FAM168A: variants seen among roughly 807,000 people sequenced by gnomAD.
FAM168A encodes the protein family with sequence similarity 168 member A.
In FAM168A, 3 loss-of-function variants were observed where a neutral mutation model predicts 28.5. The ratio of observed to expected loss-of-function variants is 0.11; its 90% CI spans 0.05 to 0.27. The LOEUF is 0.27. Ranked by LOEUF, FAM168A falls within the 10% of genes least tolerant of loss-of-function variation. The pLI, the probability that FAM168A is intolerant of heterozygous loss-of-function variation, is 1.00. For synonymous variants in FAM168A, 122 were observed against 124.2 expected (o/e 0.98, Z 0.12); for missense variants, 222 against 311.5 (o/e 0.71, Z 2.16).
chr11:73,584,174 C>T (rs886183419), intron 1 of FAM168A, among the ~76,000 whole-genome samples: 2 of 143,168 alleles, frequency 1.4e-5, no homozygotes, highest in Non-Finnish European at 3.0e-5. Flanking sequence ...TTTACATTCA[C>T]TGACTTTTTT....
intron 1 of FAM168A, among the ~76,000 whole-genome samples, chr11:73,496,762 G>A (rs916420495): frequency 7.2e-5 from 11 of 151,838 alleles, no homozygotes; most frequent in East Asian, 1.9e-4. Flanking sequence ...GGGTTTCACC[G>A]TGTTAGCCAG....
chr11:73,438,228 T>C (rs563493949), intron 2 of FAM168A, among the ~76,000 whole-genome samples: 2 of 152,302 alleles, frequency 1.3e-5, no homozygotes, highest in East Asian at 1.9e-4. Flanking sequence ...GAAAATAATA[T>C]AGTTATTTAA....
intron 1 of FAM168A, among the ~76,000 whole-genome samples, chr11:73,539,248 T>G (rs1943622693): frequency 6.6e-6 from 1 of 151,674 alleles, no homozygotes; most frequent in African/African-American, 2.4e-5. Context: ...CAATCAAGAC[T>G]CTTTATTTTT....
intron 1 of FAM168A, among the ~76,000 whole-genome samples, chr11:73,513,751 T>A (rs79978192): frequency 0.03 from 4,605 of 152,230 alleles, 95 homozygotes; most frequent in Non-Finnish European, 0.046. Flanking sequence ...TTGGGGCCAA[T>A]AAGTTACCAC....
At chr11:73,571,708 C>T (rs1280331823) in intron 1 of FAM168A, among the ~76,000 whole-genome samples, 10 of 150,874 alleles carry the variant, frequency 6.6e-5, no homozygotes, top group Non-Finnish European at 3.0e-5. Flanking sequence ...GGCCGCCCAT[C>T]GTCTGGGATG....
chr11:73,594,438 T>C (rs1163266144), intron 1 of FAM168A, among the ~76,000 whole-genome samples: 1 of 152,066 alleles, frequency 6.6e-6, no homozygotes, highest in East Asian at 1.9e-4. Flanking sequence ...GTGTGTATTT[T>C]TACCTTTTTA....
At chr11:73,521,229 C>T (rs1943371193) in intron 1 of FAM168A, among the ~76,000 whole-genome samples, 3 of 152,138 alleles carry the variant, frequency 2.0e-5, no homozygotes, top group Non-Finnish European at 4.4e-5. Context: ...CAGTTAGCCC[C>T]ATAAAAGAAA....
At chr11:73,488,993 A>G (rs506639) in intron 1 of FAM168A, among the ~76,000 whole-genome samples, 38,240 of 152,030 alleles carry the variant, frequency 0.25, 5,247 homozygotes, top group South Asian at 0.35. Context: ...GGTTCAAGCA[A>G]TTCTCCAGCC....
chr11:73,523,648 G>A (rs1047478472), intron 1 of FAM168A, among the ~76,000 whole-genome samples: 2 of 151,984 alleles, frequency 1.3e-5, no homozygotes, highest in African/African-American at 2.4e-5. Flanking sequence ...GTTTCGCCAC[G>A]TTGCCCAGGC....
At chr11:73,418,204 G>C (rs1866728995) in intron 4 of FAM168A, among the ~76,000 whole-genome samples, 1 of 152,208 alleles carries the variant, frequency 6.6e-6, no homozygotes, top group Admixed American at 6.5e-5. Flanking sequence ...TCCTCCAAAT[G>C]TCATGCTGAA....
chr11:73,446,972 C>T (rs989524482), intron 2 of FAM168A, among the ~76,000 whole-genome samples: 7 of 152,212 alleles, frequency 4.6e-5, no homozygotes, highest in Non-Finnish European at 7.3e-5. Context: ...CCAAGTCCAG[C>T]TCTTGCACAT....
intron 4 of FAM168A, among the ~76,000 whole-genome samples, chr11:73,413,339 G>A (rs1016363824): frequency 6.6e-6 from 1 of 152,214 alleles, no homozygotes; most frequent in Non-Finnish European, 1.5e-5. Context: ...AGAATGGAAA[G>A]TACATATGAA....
intron 1 of FAM168A, among the ~76,000 whole-genome samples, chr11:73,592,273 T>A (rs1565311833): frequency 1.3e-5 from 2 of 152,258 alleles, no homozygotes; most frequent in Non-Finnish European, 2.9e-5. Flanking sequence ...TGGAACTTTA[T>A]AAACTGAGGT....
rs529583075 is a variant in FAM168A at position 73,529,286 on chromosome 11, C to T, written c.-18-60794G>A. Among the ~76,000 whole-genome samples the T allele has an allele frequency of 2.6e-5, 4 of 152,290 alleles. No homozygotes were observed. The South Asian group carries it at 8.3e-4, about 32-fold the overall frequency. ...TTGCCTGTTCAAATTTTAGAACAGC[C>T]AAACCTGGGCTCATGTCCTAGCTTT... On this transcript the variant is annotated intron_variant, in intron 1 of 7. Coordinates refer to ENST00000356467, the MANE Select transcript of FAM168A (RefSeq NM_015159.3).
intron 1 of FAM168A, among the ~76,000 whole-genome samples, chr11:73,589,430 A>G (rs1944354391): frequency 6.6e-6 from 1 of 151,942 alleles, no homozygotes; most frequent in Non-Finnish European, 1.5e-5. Flanking sequence ...CCTGGGCTAC[A>G]CTGGAAGAAA....
At chr11:73,495,119 T>C (rs1460946579) in intron 1 of FAM168A, among the ~76,000 whole-genome samples, 2 of 144,446 alleles carry the variant, frequency 1.4e-5, no homozygotes, top group African/African-American at 5.5e-5. Flanking sequence ...GGCTTAATGG[T>C]ATAGACGTAA....
intron 1 of FAM168A, among the ~76,000 whole-genome samples, chr11:73,525,000 T>G (rs1475232023): frequency 6.6e-6 from 1 of 150,832 alleles, no homozygotes; most frequent in Non-Finnish European, 1.5e-5. Flanking sequence ...GTAATAACTT[T>G]TTTGATCTGA....
intron 2 of FAM168A, among the ~76,000 whole-genome samples, chr11:73,443,329 T>C (rs1018657072): frequency 6.6e-6 from 1 of 152,170 alleles, no homozygotes; most frequent in Admixed American, 6.5e-5. Flanking sequence ...CTAAGTGCTA[T>C]AATGAATGCA....
intron 1 of FAM168A, among the ~76,000 whole-genome samples, chr11:73,591,504 C>T (rs1944381432): frequency 6.6e-6 from 1 of 152,120 alleles, no homozygotes; most frequent in Admixed American, 6.5e-5. Flanking sequence ...AGACAAATTA[C>T]CCTCTTGAAT....
Sources: gnomAD v4.1 joint callset for allele counts (sites outside exome capture counted in the v4.1 genomes callset) on GRCh38, gnomAD v4.1.1 for gene constraint, MANE v1.5 for transcripts, NCBI Gene and HGNC (gene_info 2026-07-23, HGNC 2026-07-21) for gene names.